TNIK: variants seen among roughly 807,000 people sequenced by gnomAD.
The protein encoded by TNIK is TRAF2 and NCK interacting kinase.
In TNIK, 49 loss-of-function variants were observed where a neutral mutation model predicts 191.3. That is an observed-to-expected ratio of 0.26 (90% CI 0.20 to 0.32). TNIK has a LOEUF of 0.32. Ranked by LOEUF, TNIK falls within the 10% of genes least tolerant of loss-of-function variation. The probability of loss-of-function intolerance (pLI) is 1.00; values close to 1 mark genes in which losing one functional copy is unlikely to be tolerated. For synonymous variants in TNIK, 594 were observed against 600.9 expected (o/e 0.99, Z 0.17); for missense variants, 1,155 against 1,702.3 (o/e 0.68, Z 5.66).
chr3:171,242,134 T>C (rs1468959718), intron 2 of TNIK, among the ~76,000 whole-genome samples: 3 of 149,400 alleles, frequency 2.0e-5, no homozygotes, highest in African/African-American at 7.4e-5. Flanking sequence ...CTGTATGTTG[T>C]GCATTTGTAC....
intron 2 of TNIK, among the ~76,000 whole-genome samples, chr3:171,257,350 T>C (rs1747007232): frequency 6.6e-6 from 1 of 152,156 alleles, no homozygotes; most frequent in African/African-American, 2.4e-5. Flanking sequence ...AAATTTCAGC[T>C]CTAACCCTAC....
intron 2 of TNIK, among the ~76,000 whole-genome samples, chr3:171,357,430 A>C (rs1333889483): frequency 1.3e-5 from 2 of 151,944 alleles, no homozygotes; most frequent in East Asian, 3.9e-4. Flanking sequence ...CTGGGATTAC[A>C]GGCCCAGACC....
At chr3:171,242,114 T>C (rs1255168521) in intron 2 of TNIK, among the ~76,000 whole-genome samples, 2 of 149,984 alleles carry the variant, frequency 1.3e-5, no homozygotes, top group Non-Finnish European at 3.0e-5. Context: ...TGTATATATA[T>C]GTAACAAACC....
At chr3:171,154,039 T>C (rs35365372) in intron 12 of TNIK, among the ~76,000 whole-genome samples, 22,296 of 152,196 alleles carry the variant, frequency 0.15, 2,391 homozygotes, top group African/African-American at 0.3. Context: ...TGTCAAATGA[T>C]GACCTACAGA....
chr3:171,234,229 T>G (rs571628437), intron 2 of TNIK, among the ~76,000 whole-genome samples: 1 of 152,316 alleles, frequency 6.6e-6, no homozygotes, highest in Non-Finnish European at 1.5e-5. Context: ...ACTCCAAAGA[T>G]CCTTATGATC....
At chr3:171,440,264 A>G (rs7632172) in intron 1 of TNIK, among the ~76,000 whole-genome samples, 135,874 of 152,216 alleles carry the variant, frequency 0.89, 60,804 homozygotes, top group East Asian at 1. Context: ...TTCCCTCGCC[A>G]TCATAGTAAT....
chr3:171,261,735 C>G (rs1484418227), intron 2 of TNIK, among the ~76,000 whole-genome samples: 2 of 152,120 alleles, frequency 1.3e-5, no homozygotes, highest in Non-Finnish European at 1.5e-5. Context: ...GGTGTGGCTA[C>G]AGCAATGGGC....
At chr3:171,304,691 T>C (rs1753232072) in intron 2 of TNIK, among the ~76,000 whole-genome samples, 1 of 152,070 alleles carries the variant, frequency 6.6e-6, no homozygotes, top group Non-Finnish European at 1.5e-5. Context: ...TAAAAAATGA[T>C]GAGTTCATGT....
intron 28 of TNIK, among the ~76,000 whole-genome samples, chr3:171,077,709 A>C (rs1720148527): frequency 6.6e-6 from 1 of 151,982 alleles, no homozygotes; most frequent in Admixed American, 6.5e-5. Flanking sequence ...GAGCTTGTTG[A>C]CTGAAAATCT....
At chr3:171,328,407 G>A (rs944943362) in intron 2 of TNIK, among the ~76,000 whole-genome samples, 6 of 152,176 alleles carry the variant, frequency 3.9e-5, no homozygotes, top group Non-Finnish European at 5.9e-5. Context: ...ATTCGCCTGC[G>A]TGGGGCTACC....
chr3:171,091,714 G>C (rs910574319), intron 23 of TNIK, among the ~76,000 whole-genome samples: 1 of 151,820 alleles, frequency 6.6e-6, no homozygotes, highest in African/African-American at 2.4e-5. Context: ...CAGCCTGGGT[G>C]ACAGAGCGAG....
chr3:171,312,549 T>C (rs1754153620), intron 2 of TNIK, among the ~76,000 whole-genome samples: 1 of 152,128 alleles, frequency 6.6e-6, no homozygotes, highest in African/African-American at 2.4e-5. Context: ...TCTTGGTGGG[T>C]ATCCAATGGG....
At chr3:171,298,445 C>A (rs1245699309) in intron 2 of TNIK, among the ~76,000 whole-genome samples, 1 of 152,178 alleles carries the variant, frequency 6.6e-6, no homozygotes, top group Non-Finnish European at 1.5e-5. Context: ...CCCTCTGTTC[C>A]CTCGCATGTT....
chr3:171,273,704 A>G (rs1749398366), intron 2 of TNIK, among the ~76,000 whole-genome samples: 1 of 152,198 alleles, frequency 6.6e-6, no homozygotes, highest in African/African-American at 2.4e-5. Flanking sequence ...CTTGAGACTC[A>G]AAGTTTTATG....
At chr3:171,244,680 G>T (rs981099965) in intron 2 of TNIK, among the ~76,000 whole-genome samples, 1 of 151,612 alleles carries the variant, frequency 6.6e-6, no homozygotes, top group African/African-American at 2.4e-5. Context: ...TAATCCATCG[G>T]CCTCTATGTT....
chr3:171,151,467 C>T (rs80302787), intron 12 of TNIK, among the ~76,000 whole-genome samples: 1,703 of 152,290 alleles, frequency 0.011, 28 homozygotes, highest in African/African-American at 0.039. Context: ...ATAACAAGAA[C>T]AACTCATATT....
At chr3:171,155,509 G>A (rs574015682) in intron 12 of TNIK, among the ~76,000 whole-genome samples, 1 of 152,372 alleles carries the variant, frequency 6.6e-6, no homozygotes, top group South Asian at 2.1e-4. Context: ...ACAGCAAAAG[G>A]CTTGTGCCCT....
At chr3:171,073,524 GACTT>G (rs1332981074) in intron 28 of TNIK, among the ~76,000 whole-genome samples, 1 of 152,172 alleles carries the variant, frequency 6.6e-6, no homozygotes, top group East Asian at 1.9e-4. Flanking sequence ...AGACAAATGG[GACTT>G]AATTAATAAG....
rs148283955 is a variant in TNIK, at chr3:171,176,586, T to A, written c.694+740A>T. On this transcript the variant is annotated intron_variant, in intron 8 of 32. Coordinates refer to ENST00000436636, the MANE Select transcript of TNIK (RefSeq NM_015028.4). The stretch of plus-strand genomic sequence containing the variant: ...AGCCTGTCCTGCAGGTCTTGTAAAG[T>A]CATAGGGGATTACTTGGGTGAAAGT... Among the ~76,000 whole-genome samples, 674 of 152,292 alleles carry A rather than the reference T, an allele frequency of 4.4e-3. 5 individuals are homozygous for A. Among genetic ancestry groups the A allele is most frequent in the Non-Finnish European group, 7.9e-3 (538 of 68,016 alleles).
Sources: gnomAD v4.1 joint callset for allele counts (sites outside exome capture counted in the v4.1 genomes callset) on GRCh38, gnomAD v4.1.1 for gene constraint, MANE v1.5 for transcripts, NCBI Gene and HGNC (gene_info 2026-07-23, HGNC 2026-07-21) for gene names.